CEP128: variants seen among roughly 807,000 people sequenced by gnomAD.
The protein encoded by CEP128 is centrosomal protein 128kDa.
In CEP128, 132 loss-of-function variants were observed where a neutral mutation model predicts 156.7. The observed-to-expected ratio is 0.84, with a 90% confidence interval of 0.73 to 0.97. The LOEUF (loss-of-function observed/expected upper bound fraction) is 0.97. Ranked by LOEUF, CEP128 falls within the 50% of genes least tolerant of loss-of-function variation. CEP128 has a pLI of 0.00. For synonymous variants in CEP128, 469 were observed against 448.9 expected (o/e 1.04, Z -0.57); for missense variants, 1,252 against 1,281.9 (o/e 0.98, Z 0.36).
At chr14:80,896,335 T>C (rs8017949) in intron 7 of CEP128, among the ~76,000 whole-genome samples, 74,879 of 151,918 alleles carry the variant, frequency 0.49, 18,966 homozygotes, top group African/African-American at 0.57. Flanking sequence ...AGATTTACAA[T>C]GAAAAGAAAA....
chr14:80,920,080 TAA>T (rs1435900112), intron 2 of CEP128, among the ~76,000 whole-genome samples: 1 of 152,180 alleles, frequency 6.6e-6, no homozygotes, highest in African/African-American at 2.4e-5. Context: ...TAATAAAAAA[TAA>T]AAGTTAGATT....
intron 9 of CEP128, among the ~76,000 whole-genome samples, chr14:80,844,451 A>G (rs1886498249): frequency 6.6e-6 from 1 of 152,148 alleles, no homozygotes; most frequent in African/African-American, 2.4e-5. Flanking sequence ...TACTATTATG[A>G]TACCATACAT....
At chr14:80,946,858 G>A (rs1886356434) in intron 2 of CEP128, among the ~76,000 whole-genome samples, 1 of 152,206 alleles carries the variant, frequency 6.6e-6, no homozygotes, top group African/African-American at 2.4e-5. Flanking sequence ...AATGTTGGGG[G>A]TGGGACGTGG....
intron 2 of CEP128, among the ~76,000 whole-genome samples, chr14:80,923,925 T>C (rs982384872): frequency 6.6e-6 from 1 of 152,090 alleles, no homozygotes; most frequent in Non-Finnish European, 1.5e-5. Context: ...CAAGATCTGA[T>C]GGTTTTATAA....
chr14:80,567,116 C>A (rs1279021724), intron 20 of CEP128, among the ~76,000 whole-genome samples: 3 of 152,108 alleles, frequency 2.0e-5, no homozygotes, highest in Non-Finnish European at 4.4e-5. Flanking sequence ...TATGTTCTGT[C>A]ATTTACTACT....
intron 19 of CEP128, among the ~76,000 whole-genome samples, chr14:80,665,005 A>C (rs1895554487): frequency 6.6e-6 from 1 of 152,220 alleles, no homozygotes; most frequent in African/African-American, 2.4e-5. Context: ...CAAATGCTTG[A>C]GTTGACTCCT....
intron 19 of CEP128, among the ~76,000 whole-genome samples, chr14:80,668,947 C>T (rs1011631725): frequency 2.6e-5 from 4 of 152,190 alleles, no homozygotes; most frequent in Non-Finnish European, 5.9e-5. Context: ...ATGCCTTCAT[C>T]CTTCCTGTTC....
chr14:80,949,143 C>T (rs1307015896), intron 2 of CEP128, among the ~76,000 whole-genome samples: 4 of 152,094 alleles, frequency 2.6e-5, no homozygotes, highest in African/African-American at 4.8e-5. Flanking sequence ...TTCAAGGCAG[C>T]GGCTATCATA....
intron 13 of CEP128, among the ~76,000 whole-genome samples, chr14:80,829,320 T>C (rs759601719): frequency 3.3e-5 from 5 of 152,214 alleles, no homozygotes; most frequent in Non-Finnish European, 7.3e-5. Flanking sequence ...TCCTTTGCAA[T>C]GGCAACTGGA....
At chr14:80,720,396 G>GA (rs1159646780) in intron 19 of CEP128, among the ~76,000 whole-genome samples, 1 of 152,140 alleles carries the variant, frequency 6.6e-6, no homozygotes, top group African/African-American at 2.4e-5. Flanking sequence ...TGAATGACAG[G>GA]AAAGGGCCAT....
chr14:80,614,455 G>A (rs1893131022), intron 19 of CEP128, among the ~76,000 whole-genome samples: 2 of 152,184 alleles, frequency 1.3e-5, no homozygotes, highest in South Asian at 4.1e-4. Context: ...TGTCGTTTGA[G>A]AATTCCCCTT....
At chr14:80,558,846 T>C (rs1299313777) in intron 21 of CEP128, among the ~76,000 whole-genome samples, 1 of 152,254 alleles carries the variant, frequency 6.6e-6, no homozygotes, top group Non-Finnish European at 1.5e-5. Flanking sequence ...ATGCTTGCAT[T>C]ATTCTTTTTG....
chr14:80,789,734 C>T (rs1030392989), intron 14 of CEP128, among the ~76,000 whole-genome samples: 3 of 151,254 alleles, frequency 2.0e-5, no homozygotes, highest in African/African-American at 7.3e-5. Context: ...AAGAATGATA[C>T]TATTTAAAAC....
intron 20 of CEP128, among the ~76,000 whole-genome samples, chr14:80,563,079 TTTACCC>T (rs755273864): frequency 2.0e-5 from 3 of 152,164 alleles, no homozygotes; most frequent in Non-Finnish European, 4.4e-5. Context: ...CCTCTCCCAG[TTTACCC>T]AGAGCTGCCT....
chr14:80,603,355 T>C (rs1158180862), intron 19 of CEP128, among the ~76,000 whole-genome samples: 1 of 152,116 alleles, frequency 6.6e-6, no homozygotes, highest in Non-Finnish European at 1.5e-5. Context: ...GGGAGGGATA[T>C]GGGAGTAACT....
chr14:80,585,079 G>C (rs1447750248), intron 19 of CEP128, among the ~76,000 whole-genome samples: 1 of 152,162 alleles, frequency 6.6e-6, no homozygotes, highest in Non-Finnish European at 1.5e-5. Context: ...ATTTTCCTTG[G>C]ATTGGTTCCA....
intron 19 of CEP128, among the ~76,000 whole-genome samples, chr14:80,599,205 C>T (rs1399152157): frequency 6.6e-6 from 1 of 151,750 alleles, no homozygotes; most frequent in Non-Finnish European, 1.5e-5. Flanking sequence ...GAGGTTAACA[C>T]CTCAACACTT....
intron 20 of CEP128, among the ~76,000 whole-genome samples, chr14:80,568,778 C>T (rs1891022156): frequency 6.6e-6 from 1 of 152,012 alleles, no homozygotes; most frequent in Non-Finnish European, 1.5e-5. Flanking sequence ...ATCATTGGTA[C>T]ACTCTTCTTT....
chr14:80,806,732 A>G (rs1347996232), intron 13 of CEP128, among the ~76,000 whole-genome samples: 1 of 152,226 alleles, frequency 6.6e-6, no homozygotes, highest in Non-Finnish European at 1.5e-5. Flanking sequence ...TCAATAAAAG[A>G]CATACACCTA....
Sources: allele counts gnomAD v4.1 joint callset (sites outside exome capture counted in the v4.1 genomes callset), GRCh38; gene constraint gnomAD v4.1.1; transcripts MANE v1.5; gene names NCBI Gene and HGNC (gene_info 2026-07-23, HGNC 2026-07-21).